The following DTNB variants were observed in gnomAD, a reference collection of about 807,000 sequenced individuals.
DTNB encodes the protein dystrobrevin beta.
Under a neutral mutation model 90.7 loss-of-function variants are expected in DTNB, and 63 were observed. That is an observed-to-expected ratio of 0.69 (90% CI 0.57 to 0.86). The LOEUF is 0.86. Ranked by LOEUF, DTNB falls within the 40% of genes least tolerant of loss-of-function variation. The pLI, the probability that DTNB is intolerant of heterozygous loss-of-function variation, is 0.00. For synonymous variants in DTNB, 277 were observed against 286.7 expected (o/e 0.97, Z 0.34); for missense variants, 744 against 807.1 (o/e 0.92, Z 0.95).
At chr2:25,522,179 G>A (rs991588608) in intron 9 of DTNB, among the ~76,000 whole-genome samples, 1 of 152,178 alleles carries the variant, frequency 6.6e-6, no homozygotes, top group African/African-American at 2.4e-5. Context: ...TTGCTAGAGT[G>A]CTGATACGTG....
At chr2:25,598,738 T>TGG (rs1229049141) in intron 5 of DTNB, 1 of 151,972 alleles carries the variant, frequency 6.6e-6, no homozygotes, top group Admixed American at 6.6e-5. Flanking sequence ...GGATAGGGAC[T>TGG]GGGGGGCACT....
intron 10 of DTNB, among the ~76,000 whole-genome samples, chr2:25,455,777 A>G (rs1349000452): frequency 6.6e-6 from 1 of 152,216 alleles, no homozygotes; most frequent in African/African-American, 2.4e-5. Flanking sequence ...GGGGAGCCGC[A>G]TGTACCACTT....
rs539774498 is a variant in DTNB at position 25,427,650 on chromosome 2, C to T, written c.1458-19G>A. 4.3e-6 allele frequency: 7 copies of T among 1,609,994 alleles called. No individual in the cohort carries two copies. In the African/African-American group the frequency reaches 5.3e-5, roughly 12 times the overall value. On this transcript the variant is annotated intron_variant, in intron 14 of 20. Transcript: ENST00000406818. ...CCTTTGCCTATCCAAGACGAGAAGC[C>T]TATCAGATAAAGAGACCCTCAAAGA...
At chr2:25,599,006 G>T (rs1190188564) in intron 5 of DTNB, 2 of 151,962 alleles carry the variant, frequency 1.3e-5, no homozygotes, top group South Asian at 4.2e-4. Context: ...AAGGCAATTA[G>T]ACTGTTAATG....
At chr2:25,466,552 C>T (rs903660353) in intron 10 of DTNB, among the ~76,000 whole-genome samples, 1 of 152,162 alleles carries the variant, frequency 6.6e-6, no homozygotes, top group African/African-American at 2.4e-5. Flanking sequence ...CAGGGGAGCT[C>T]CTGTGGCCGA....
chr2:25,512,587 T>C (rs975375056), intron 9 of DTNB, among the ~76,000 whole-genome samples: 5 of 152,186 alleles, frequency 3.3e-5, no homozygotes, highest in African/African-American at 1.2e-4. Context: ...GATGATCAAA[T>C]GACTGATAAA....
intron 5 of DTNB, among the ~76,000 whole-genome samples, chr2:25,605,116 T>C (rs1398399163): frequency 6.6e-6 from 1 of 152,256 alleles, no homozygotes; most frequent in Non-Finnish European, 1.5e-5. Context: ...CCAAGTATTT[T>C]ACTTATGTTG....
intron 8 of DTNB, among the ~76,000 whole-genome samples, chr2:25,533,654 G>A (rs76490507): frequency 0.018 from 2,696 of 152,290 alleles, 43 homozygotes; most frequent in African/African-American, 0.036. Flanking sequence ...TCCCACTCAC[G>A]TTAAGTGATA....
At chr2:25,592,273 T>C (rs1201432241) in intron 6 of DTNB, among the ~76,000 whole-genome samples, 1 of 151,996 alleles carries the variant, frequency 6.6e-6, no homozygotes, top group Non-Finnish European at 1.5e-5. Context: ...AGTATGAATA[T>C]AGTTGATAAG....
At chr2:25,643,220 G>A (rs546432488) in intron 2 of DTNB, among the ~76,000 whole-genome samples, 4 of 152,036 alleles carry the variant, frequency 2.6e-5, no homozygotes, top group South Asian at 4.2e-4. Context: ...CTCTCATCTC[G>A]GGGCCTTCAC....
chr2:25,454,421 G>T (rs962907845), intron 11 of DTNB, among the ~76,000 whole-genome samples: 1 of 152,028 alleles, frequency 6.6e-6, no homozygotes, highest in Non-Finnish European at 1.5e-5. Context: ...TAAAGCTTCA[G>T]CCTCTGTTAT....
At position 25,577,001 on chromosome 2, in the gene DTNB, A is replaced by G; in HGVS notation, c.713T>C (p.Phe238Ser). 6.2e-7 allele frequency: 1 copy of G among 1,605,396 alleles called. No homozygotes were observed. The change falls in exon 8 of 21, where the codon TTC becomes TCC. Residue 238 changes from phenylalanine (F) to serine (S), a missense_variant. Transcript: ENST00000406818. The stretch of plus-strand genomic sequence containing the variant: ...GCAGTAGGAGCACTCCACGGGATGG[A>G]AGACTTGTGGACAGGAGAGAAAAGG... The part of the protein sequence containing the change: ...MHRLAHVENV[F>S]HPVECSYCRC...
chr2:25,397,863 G>C (rs572962179), intron 16 of DTNB, among the ~76,000 whole-genome samples: 109 of 124,618 alleles, frequency 8.7e-4, no homozygotes, highest in African/African-American at 3.5e-3. Flanking sequence ...CTGGGTGACA[G>C]AGCAAGACTG....
chr2:25,566,601 T>G (rs1350487536), intron 8 of DTNB, among the ~76,000 whole-genome samples: 2 of 152,210 alleles, frequency 1.3e-5, no homozygotes, highest in African/African-American at 4.8e-5. Flanking sequence ...GGGTCTGGTT[T>G]TGATGATAAA....
chr2:25,576,773 C>G, intron 8 of DTNB, 65 bp downstream of exon 8: 1 of 1,473,696 alleles, frequency 6.8e-7, no homozygotes. Flanking sequence ...GGAAACTGGC[C>G]CAGGTGCTGT....
chr2:25,619,288 G>A (rs538883841), intron 4 of DTNB, among the ~76,000 whole-genome samples: 3 of 152,132 alleles, frequency 2.0e-5, no homozygotes, highest in South Asian at 2.1e-4. Flanking sequence ...TTACCAGTCC[G>A]ATTATCATAT....
chr2:25,616,619 G>C (rs1357486791), intron 4 of DTNB, among the ~76,000 whole-genome samples: 3 of 91,006 alleles, frequency 3.3e-5, no homozygotes, highest in Non-Finnish European at 5.9e-5. Flanking sequence ...TCTAGATCAG[G>C]CTATTTATAG....
At chr2:25,596,317 TA>T in intron 5 of DTNB, 77 bp from the exon 6 acceptor site, 1 of 1,410,396 alleles carries the variant, frequency 7.1e-7, no homozygotes, top group Non-Finnish European at 9.5e-7. Flanking sequence ...GTCATTTGTA[TA>T]CCAAACAAAA....
chr2:25,515,829 G>A (rs572077187), intron 9 of DTNB, among the ~76,000 whole-genome samples: 12 of 151,970 alleles, frequency 7.9e-5, no homozygotes, highest in Admixed American at 7.2e-4. Context: ...CACCTGCCTC[G>A]GCCTCCCAAA....
Sources: allele counts gnomAD v4.1 joint callset (sites outside exome capture counted in the v4.1 genomes callset), GRCh38; gene constraint gnomAD v4.1.1; transcripts MANE v1.5; gene names NCBI Gene and HGNC (gene_info 2026-07-23, HGNC 2026-07-21).